Variants in L3MBTL3 observed in about 807,000 individuals in gnomAD.
The protein encoded by L3MBTL3 is L3MBTL histone methyl-lysine binding protein 3, also known as lethal(3)malignant brain tumor-like protein 3.
Under a neutral mutation model 102.3 loss-of-function variants are expected in L3MBTL3, and 27 were observed. That is an observed-to-expected ratio of 0.26 (90% CI 0.19 to 0.36). L3MBTL3 has a LOEUF of 0.36. L3MBTL3 is among the 10% of genes least tolerant of loss of function. L3MBTL3 has a pLI of 1.00. For missense variants in L3MBTL3, 798 were observed against 955.3 expected (o/e 0.84, Z 2.17); for synonymous variants, 340 against 320.9 (o/e 1.06, Z -0.64).
intron 22 of L3MBTL3, 116 bp from the exon 23 acceptor site, chr6:130,139,494 C>T: frequency 1.1e-6 from 1 of 923,438 alleles, no homozygotes; most frequent in Admixed American, 2.0e-5. Flanking sequence ...ACGTGAACTT[C>T]TCTGTGCTTT....
intron 9 of L3MBTL3, among the ~76,000 whole-genome samples, chr6:130,058,943 TG>T (rs1395880684): frequency 6.6e-6 from 1 of 152,170 alleles, no homozygotes; most frequent in Non-Finnish European, 1.5e-5. Flanking sequence ...GAATAGTAAA[TG>T]TTAGTAAATG....
chr6:130,086,208 T>C lies in L3MBTL3; in HGVS notation c.1476T>C (p.Ile492=), dbSNP rs1402723324. The C allele has an allele frequency of 5.6e-6, 9 of 1,613,226 alleles. No individual in the cohort carries two copies. Among genetic ancestry groups the C allele is most frequent in the African/African-American group, 1.3e-5 (1 of 74,858 alleles). Residue 492 remains isoleucine (I), a synonymous_variant, in exon 16 of 23, where the codon ATT becomes ATC. Transcript: ENST00000361794. Reference sequence around the variant, plus strand: ...TAGACAAAAGGAACCCTATGTTTATTAGAGTAGCAACTGTGGCAGACACAG... The same window carrying C: ...TAGACAAAAGGAACCCTATGTTTATCAGAGTAGCAACTGTGGCAGACACAG... The part of the protein sequence containing the change: ...EVVDKRNPMF[I]RVATVADTDD...
In L3MBTL3 at chr6:130,133,946, T is replaced by C. The variant is rs772877961; in HGVS notation, c.2199+41T>C. The C allele has an allele frequency of 5.2e-5, 76 of 1,461,378 alleles. No individual in the cohort carries two copies. In the Admixed American group the frequency reaches 1.2e-3, roughly 24 times the overall value. 90.5% of individuals were successfully genotyped at this position (1,461,378 alleles called of 1,614,324 possible). ...AATTGCAATATGTTACTTAATGGGA[T>C]CAAAGCACTGAAATGCAGTGGAAGG... is the stretch of plus-strand genomic sequence containing the variant. On this transcript the variant is annotated intron_variant, in intron 22 of 22. Transcript: ENST00000361794. The surrounding 1 kb of genome is among the most constrained non-coding windows in gnomAD (Gnocchi z 4.9).
At chr6:130,101,471 C>T (rs1036527980) in intron 18 of L3MBTL3, among the ~76,000 whole-genome samples, 5 of 152,172 alleles carry the variant, frequency 3.3e-5, no homozygotes, top group Non-Finnish European at 7.3e-5. Context: ...TTTCTCAGGC[C>T]TTTGGCAGTT....
At chr6:130,050,877 G>C (rs1457936020) in intron 5 of L3MBTL3, among the ~76,000 whole-genome samples, 1 of 152,180 alleles carries the variant, frequency 6.6e-6, no homozygotes, top group Non-Finnish European at 1.5e-5. Context: ...GATTATAAAT[G>C]TGAAATAAAA....
intron 2 of L3MBTL3, among the ~76,000 whole-genome samples, chr6:130,039,895 T>C (rs1780311839): frequency 6.6e-6 from 1 of 152,234 alleles, no homozygotes; most frequent in African/African-American, 2.4e-5. Context: ...TAATAGACTT[T>C]TCATTTAATA....
chr6:130,100,597 G>A (rs183964021), intron 18 of L3MBTL3, among the ~76,000 whole-genome samples: 101 of 149,544 alleles, frequency 6.8e-4, no homozygotes, highest in African/African-American at 2.3e-3. Context: ...CCTGCTTTAG[G>A]TTGAGATTTT....
At chr6:130,132,907 A>G (rs143648041) in intron 20 of L3MBTL3, among the ~76,000 whole-genome samples, 7 of 152,354 alleles carry the variant, frequency 4.6e-5, no homozygotes, top group African/African-American at 7.2e-5. Flanking sequence ...TTTTTATTGC[A>G]ATAATTTCAT....
chr6:130,038,833 T>G (rs1226950918), intron 2 of L3MBTL3, among the ~76,000 whole-genome samples: 1 of 152,080 alleles, frequency 6.6e-6, no homozygotes, highest in African/African-American at 2.4e-5. Context: ...CTGTAAAATC[T>G]GATTCTTCTT....
intron 19 of L3MBTL3, among the ~76,000 whole-genome samples, chr6:130,119,221 A>T (rs993317771): frequency 2.0e-5 from 3 of 152,138 alleles, no homozygotes; most frequent in Non-Finnish European, 4.4e-5. Flanking sequence ...ATAATTGGAA[A>T]TTTGCTTTAT....
intron 19 of L3MBTL3, among the ~76,000 whole-genome samples, chr6:130,104,999 A>T (rs1354166146): frequency 6.6e-6 from 1 of 152,230 alleles, no homozygotes; most frequent in Non-Finnish European, 1.5e-5. Flanking sequence ...TTGCATATAC[A>T]TTATTTCATT....
chr6:130,035,437 TAGG>T (rs1779998340), intron 2 of L3MBTL3, among the ~76,000 whole-genome samples: 2 of 152,142 alleles, frequency 1.3e-5, no homozygotes, highest in Non-Finnish European at 2.9e-5. Context: ...AGGAGAGAGA[TAGG>T]AGGTAATTCT....
intron 15 of L3MBTL3, among the ~76,000 whole-genome samples, chr6:130,085,557 A>G (rs1365011178): frequency 1.3e-5 from 2 of 152,072 alleles, no homozygotes; most frequent in Non-Finnish European, 2.9e-5. Flanking sequence ...TTACTCTGCT[A>G]TTTCCCTTGC....
At chr6:130,080,705 AT>A (rs1202023972) in intron 14 of L3MBTL3, among the ~76,000 whole-genome samples, 2 of 152,240 alleles carry the variant, frequency 1.3e-5, no homozygotes, top group Non-Finnish European at 2.9e-5. Context: ...AAAATTCAAA[AT>A]TGCATGTGAA....
In L3MBTL3 at chr6:130,139,901, T is replaced by C. The variant is rs1788115053; in HGVS notation, c.*148T>C. On this transcript the variant is annotated 3_prime_UTR_variant, in exon 23 of 23. Coordinates refer to ENST00000361794, the MANE Select transcript of L3MBTL3 (RefSeq NM_032438.4). The stretch of plus-strand genomic sequence containing the variant: ...ATTATTTATATTACTCAAGAGACAA[T>C]ATATATGAATTCTTATGAAAGTGCT... 1 of 697,626 alleles carries C rather than the reference T, an allele frequency of 1.4e-6. No individual in the cohort carries two copies. Among genetic ancestry groups the C allele is most frequent in the Non-Finnish European group, 2.4e-6 (1 of 420,792 alleles). 43.2% of individuals were successfully genotyped at this position (697,626 alleles called of 1,614,324 possible).
chr6:130,044,778 C>T (rs1024191225), intron 3 of L3MBTL3, among the ~76,000 whole-genome samples: 3 of 152,150 alleles, frequency 2.0e-5, no homozygotes, highest in Non-Finnish European at 4.4e-5. Flanking sequence ...CTGAAGATTT[C>T]TAATTCACTT....
chr6:130,092,870 C>G lies in L3MBTL3; in HGVS notation c.1633+11C>G. ...TTCAGCCTCCTTTGAGTAAGAGACACGAATAGCTTGTATAAATGTTTCCAT... is the reference window on the plus strand; with the variant it reads ...TTCAGCCTCCTTTGAGTAAGAGACAGGAATAGCTTGTATAAATGTTTCCAT... On this transcript the variant is annotated intron_variant, in intron 17 of 22. Coordinates refer to ENST00000361794, the MANE Select transcript of L3MBTL3 (RefSeq NM_032438.4). 8 of 1,440,300 alleles carry G rather than the reference C, an allele frequency of 5.6e-6. No individual in the cohort carries two copies. Among genetic ancestry groups the G allele is most frequent in the Non-Finnish European group, 7.8e-6 (8 of 1,022,188 alleles). The allele number at this position is 1,440,300 out of a possible 1,614,324, so 89.2% of individuals were successfully genotyped here.
chr6:130,076,348 A>G (rs751714351), intron 13 of L3MBTL3, among the ~76,000 whole-genome samples: 3 of 152,234 alleles, frequency 2.0e-5, no homozygotes, highest in Admixed American at 1.3e-4. Flanking sequence ...TGACAAAACC[A>G]GAATCCCTTT....
intron 19 of L3MBTL3, 41 bp from the exon 20 acceptor site, chr6:130,120,834 TAAAA>T: frequency 6.9e-7 from 1 of 1,452,270 alleles, no homozygotes; most frequent in Admixed American, 1.7e-5. Context: ...ACCATTTTTT[TAAAA>T]TGTTTCTCTT....
Sources: gnomAD v4.1 joint callset for allele counts (sites outside exome capture counted in the v4.1 genomes callset) on GRCh38, gnomAD v4.1.1 for gene constraint, Gnocchi (gnomAD v3.1) non-coding constraint, MANE v1.5 for transcripts, NCBI Gene and HGNC (gene_info 2026-07-23, HGNC 2026-07-21) for gene names.